The following SOAT1 variants were observed in gnomAD, a reference collection of about 807,000 sequenced individuals.
The protein encoded by SOAT1 is acyl-coenzyme A:cholesterol acyltransferase 1.
SOAT1 carries 55 observed loss-of-function variants against 69.5 expected under a neutral mutation model. The observed-to-expected ratio is 0.79, with a 90% CI of 0.64 to 0.99. SOAT1 has a LOEUF of 0.99. Ranked by LOEUF, SOAT1 falls within the 50% of genes least tolerant of loss-of-function variation. The probability of loss-of-function intolerance (pLI) is 0.00; values close to 1 mark genes in which losing one functional copy is unlikely to be tolerated. For synonymous variants in SOAT1, 231 were observed against 224.7 expected, an observed-to-expected ratio of 1.03 and a Z score of -0.25; for missense variants, 580 against 669.3, an observed-to-expected ratio of 0.87 and a Z score of 1.47.
intron 3 of SOAT1, among the ~76,000 whole-genome samples, chr1:179,329,441 T>C (rs1459269811): frequency 6.6e-6 from 1 of 152,202 alleles, no homozygotes; most frequent in Non-Finnish European, 1.5e-5. Flanking sequence ...AAATAAGTTT[T>C]TGGTCCGGTC....
At chr1:179,299,143 A>G (rs577633490) in intron 1 of SOAT1, among the ~76,000 whole-genome samples, 2 of 152,188 alleles carry the variant, frequency 1.3e-5, no homozygotes, top group South Asian at 4.1e-4. Context: ...AGAGGATGAG[A>G]TGAGAGGTGG....
intron 12 of SOAT1, 67 bp downstream of exon 12, chr1:179,347,764 C>A: frequency 3.2e-6 from 3 of 928,988 alleles, no homozygotes; most frequent in Non-Finnish European, 5.0e-6. Context: ...AGTATTTTGA[C>A]ATTGTTGGCT....
At position 179,333,152 on chromosome 1, in the gene SOAT1, C is replaced by T. The variant is rs562608577; in HGVS notation, c.178-2354C>T. On this transcript the variant is annotated intron_variant, in intron 3 of 15. Coordinates refer to ENST00000367619, the MANE Select transcript of SOAT1 (RefSeq NM_003101.6). ...TATTGTACATTGTTTTATTGTTCCT[C>T]ATAGGTTAGCTCAGACTGAGGGGGA... is the stretch of plus-strand genomic sequence containing the variant. 2.6e-5 allele frequency among the ~76,000 whole-genome samples: 4 copies of T among 152,238 alleles called. No individual in the cohort carries two copies. In the South Asian group the frequency reaches 8.3e-4, roughly 32 times the overall value.
chr1:179,311,248 C>T (rs140650814), intron 2 of SOAT1, among the ~76,000 whole-genome samples: 88 of 152,136 alleles, frequency 5.8e-4, no homozygotes, highest in African/African-American at 2.0e-3. Flanking sequence ...TGCCTGTAGC[C>T]GAAGCTACTC....
chr1:179,350,523 A>G, intron 14 of SOAT1, 92 bp downstream of exon 14: 1 of 1,170,122 alleles, frequency 8.5e-7, no homozygotes, highest in Non-Finnish European at 1.2e-6. Context: ...TAGGAGAACT[A>G]GATAGTAGTA....
intron 3 of SOAT1, among the ~76,000 whole-genome samples, chr1:179,334,315 G>C (rs556157194): frequency 6.6e-6 from 1 of 152,246 alleles, no homozygotes; most frequent in African/African-American, 2.4e-5. Context: ...TTAAGGTTTG[G>C]TGTAAGAGTA....
chr1:179,344,468 G>A (rs1044198402), intron 10 of SOAT1, among the ~76,000 whole-genome samples: 1 of 142,530 alleles, frequency 7.0e-6, no homozygotes, highest in African/African-American at 2.6e-5. Flanking sequence ...TCTACCTCCT[G>A]TGTTCAAACG....
At chr1:179,314,594 TA>T (rs1377858304) in intron 2 of SOAT1, among the ~76,000 whole-genome samples, 1 of 152,148 alleles carries the variant, frequency 6.6e-6, no homozygotes, top group East Asian at 1.9e-4. Flanking sequence ...ATTTTTGTTT[TA>T]TTTTTTTGTA....
Position 179,356,260 on chromosome 1 carries a change from GTA to G in SOAT1, c.*2623_*2624del, listed in dbSNP as rs1666902278. The G allele has an allele frequency of 6.6e-6, 1 of 152,088 alleles. No individual in the cohort carries two copies. 9.4% of individuals were successfully genotyped at this position (152,088 alleles called of 1,614,324 possible). ...AACCAACAGAACAATTATGTAGTAT[GTA>G]TATCACTTTCTCATTAGATCTCTAA... On this transcript the variant is annotated 3_prime_UTR_variant, in exon 16 of 16. Transcript: ENST00000367619.
At chr1:179,305,821 A>G (rs1247556410) in intron 2 of SOAT1, among the ~76,000 whole-genome samples, 1 of 152,206 alleles carries the variant, frequency 6.6e-6, no homozygotes, top group Non-Finnish European at 1.5e-5. Flanking sequence ...TCTAAATGTA[A>G]GATAGGGTAC....
chr1:179,358,361 G>T lies in SOAT1; in HGVS notation c.*4720G>T, dbSNP rs1320273755. On this transcript the variant is annotated 3_prime_UTR_variant, in exon 16 of 16. Coordinates refer to ENST00000367619, the MANE Select transcript of SOAT1 (RefSeq NM_003101.6). Reference sequence around the variant, plus strand: ...TAATGGAGTGATAAACTTTAAGCTAGTAGATACTGCACCATGTCTTGTGGT... The same window carrying T: ...TAATGGAGTGATAAACTTTAAGCTATTAGATACTGCACCATGTCTTGTGGT... 2 of 152,124 alleles carry T rather than the reference G, an allele frequency of 1.3e-5. No individual in the cohort carries two copies. Among genetic ancestry groups the T allele is most frequent in the Non-Finnish European group, 2.9e-5 (2 of 68,024 alleles). The allele number at this position is 152,124 out of a possible 1,614,324, so 9.4% of individuals were successfully genotyped here.
chr1:179,301,608 A>T (rs1571401602), intron 1 of SOAT1, among the ~76,000 whole-genome samples: 1 of 152,354 alleles, frequency 6.6e-6, no homozygotes, highest in African/African-American at 2.4e-5. Flanking sequence ...TATTCCTGGT[A>T]CATGGGTGGA....
intron 2 of SOAT1, among the ~76,000 whole-genome samples, chr1:179,321,699 T>C (rs1423659920): frequency 1.3e-5 from 2 of 152,198 alleles, no homozygotes; most frequent in Non-Finnish European, 2.9e-5. Flanking sequence ...CTATCCTCTG[T>C]ATAATTTCCT....
In SOAT1 at chr1:179,358,049, A is replaced by T. The variant is rs1666965401; in HGVS notation, c.*4408A>T. 1 of 152,226 alleles carries T rather than the reference A, an allele frequency of 6.6e-6. No individual in the cohort carries two copies. The highest frequency in any genetic ancestry group is 1.5e-5 in the Non-Finnish European group (1 of 68,042). 9.4% of individuals were successfully genotyped at this position (152,226 alleles called of 1,614,324 possible). A position where few individuals can be genotyped will look rare whatever the true frequency, so the allele number is the denominator to read the frequency against. On this transcript the variant is annotated 3_prime_UTR_variant, in exon 16 of 16. Coordinates refer to ENST00000367619, the MANE Select transcript of SOAT1 (RefSeq NM_003101.6). The stretch of plus-strand genomic sequence containing the variant: ...CCCTAAATTTAATGCCTAGTTTGAA[A>T]ATCAGTAGACAATAATAAAGTTGAT...
intron 13 of SOAT1, 123 bp downstream of exon 13, chr1:179,349,065 T>C: frequency 1.6e-6 from 1 of 634,960 alleles, no homozygotes; most frequent in Non-Finnish European, 2.8e-6. Flanking sequence ...TGATAGTATC[T>C]TTTCAGTTTT....
intron 1 of SOAT1, among the ~76,000 whole-genome samples, chr1:179,302,385 G>C (rs1664861172): frequency 6.6e-6 from 1 of 152,194 alleles, no homozygotes; most frequent in African/African-American, 2.4e-5. Flanking sequence ...GAGGTGATTG[G>C]ATCATGGGGG....
At chr1:179,343,027 A>G in intron 9 of SOAT1, 84 bp downstream of exon 9, 1 of 977,368 alleles carries the variant, frequency 1.0e-6, no homozygotes, top group African/African-American at 1.6e-5. Flanking sequence ...GGGCCAGTTC[A>G]TGTAGGGACA....
chr1:179,351,631 G>A (rs1666737650), intron 15 of SOAT1, among the ~76,000 whole-genome samples, 169 bp downstream of exon 15: 1 of 151,498 alleles, frequency 6.6e-6, no homozygotes, highest in South Asian at 2.1e-4. Context: ...TATTGTACTT[G>A]AAGTTTTTCC....
intron 2 of SOAT1, among the ~76,000 whole-genome samples, chr1:179,307,904 C>T (rs572162726): frequency 1.5e-3 from 228 of 151,928 alleles, no homozygotes; most frequent in Non-Finnish European, 2.4e-3. Flanking sequence ...CGATTCTCCT[C>T]CCTCAGCCTC....
Sources: gnomAD v4.1 joint callset for allele counts (sites outside exome capture counted in the v4.1 genomes callset) on GRCh38, gnomAD v4.1.1 for gene constraint, MANE v1.5 for transcripts, NCBI Gene and HGNC (gene_info 2026-07-23, HGNC 2026-07-21) for gene names.